The following ATP13A5 variants were observed in gnomAD, a reference collection of about 807,000 sequenced individuals.
ATP13A5 encodes the protein ATPase 13A5, also known as probable cation-transporting ATPase 13A5.
Under a neutral mutation model 150.2 loss-of-function variants are expected in ATP13A5, and 149 were observed. That is an observed-to-expected ratio of 0.99 (90% confidence interval 0.87 to 1.14). ATP13A5 has a LOEUF of 1.14. ATP13A5 is among the 50% of genes most tolerant of loss of function. The pLI is 0.00. For synonymous variants in ATP13A5, 497 were observed against 522.2 expected (o/e 0.95, Z 0.66); for missense variants, 1,383 against 1,449.3 (o/e 0.95, Z 0.74).
intron 25 of ATP13A5, among the ~76,000 whole-genome samples, chr3:193,297,643 A>G (rs558473317): frequency 1.6e-4 from 24 of 151,842 alleles, no homozygotes; most frequent in Non-Finnish European, 3.5e-4. Context: ...TTTTTCTCCT[A>G]GTGGTAATAA....
Position 193,299,143 on chromosome 3 carries a change from C to T in ATP13A5, c.2836G>A (p.Val946Ile). The T allele has an allele frequency of 6.2e-7, 1 of 1,606,652 alleles. No homozygotes were observed. The stretch of plus-strand genomic sequence containing the variant: ...CTAAAGAGCTTACTTGTTAAACAGA[C>T]CATCAAAGTAATGGCTACATCTTGC... Reference protein sequence around the residue: ...LMQDVAITLMVCLTMSSTHAY... With the variant: ...LMQDVAITLMICLTMSSTHAY... Residue 946 changes from valine to isoleucine, a missense_variant, in exon 25 of 30, where the codon GTC becomes ATC. Coordinates refer to ENST00000342358, the MANE Select transcript of ATP13A5 (RefSeq NM_198505.4).
chr3:193,297,891 T>C (rs1465885585), intron 25 of ATP13A5, among the ~76,000 whole-genome samples: 5 of 152,140 alleles, frequency 3.3e-5, no homozygotes, highest in Non-Finnish European at 5.9e-5. Flanking sequence ...AGATCATCCA[T>C]GTTTTTGGAT....
Position 193,299,203 on chromosome 3 carries a change from G to C in ATP13A5, c.2776C>G (p.Gln926Glu). The C allele has an allele frequency of 6.2e-7, 1 of 1,606,402 alleles. No individual in the cohort carries two copies. The highest frequency in any genetic ancestry group is 8.5e-7 in the Non-Finnish European group (1 of 1,176,568). ...TGGTAATTTCCAAAGAGTTGTAGTTGCTGAAAAAGAAACAAAAGCAAATAT... is the reference window on the plus strand; with the variant it reads ...TGGTAATTTCCAAAGAGTTGTAGTTCCTGAAAAAGAAACAAAAGCAAATAT... ...QFISALLLYW[Q>E]LQLFGNYQYL... The change falls in exon 25 of 30, where the codon CAA (glutamine) becomes GAA (glutamate). Residue 926 changes from glutamine (Q) to glutamate (E), a missense_variant and splice_region_variant. By Grantham distance (29) the Gln-to-Glu change is conservative (BLOSUM62 2). Around this residue, in one of 3 missense-constraint regions of ATP13A5, gnomAD observed 568 missense variants for 621.5 expected, o/e 0.91. Coordinates refer to ENST00000342358, the MANE Select transcript of ATP13A5 (RefSeq NM_198505.4).
At chr3:193,346,679 T>C (rs1712350906) in intron 7 of ATP13A5, among the ~76,000 whole-genome samples, 1 of 152,206 alleles carries the variant, frequency 6.6e-6, no homozygotes. Flanking sequence ...AGACAAGCAT[T>C]ACACATAATT....
At position 193,333,868 on chromosome 3, in the gene ATP13A5, A is replaced by G; in HGVS notation, c.1154T>C (p.Leu385Pro). The change falls in exon 11 of 30, where the codon CTG becomes CCG. Residue 385 changes from leucine (L) to proline (P), a missense_variant. Physicochemically the swap from Leu to Pro is moderately conservative, Grantham distance 98 (BLOSUM62 -3). Coordinates refer to ENST00000342358, the MANE Select transcript of ATP13A5 (RefSeq NM_198505.4). ...TTTGAAGTTCAGAGGCCGGGGGTAC[A>G]GGATGGATCTCACTAAGTCCCCTTT... ...TAKGDLVRSI[L>P]YPRPLNFKLY... is the part of the protein sequence containing the mutation. The G allele has an allele frequency of 6.2e-7, 1 of 1,613,960 alleles. No homozygotes were observed.
chr3:193,377,505 G>A (rs4687418), intron 1 of ATP13A5, among the ~76,000 whole-genome samples: 21,932 of 152,062 alleles, frequency 0.14, 1,767 homozygotes, highest in Non-Finnish European at 0.16. Flanking sequence ...AATCTGGTGC[G>A]TATTTTACAC....
At chr3:193,346,713 C>A (rs1238776495) in intron 7 of ATP13A5, among the ~76,000 whole-genome samples, 2 of 152,210 alleles carry the variant, frequency 1.3e-5, no homozygotes, top group East Asian at 3.9e-4. Context: ...CTTAAGAAAA[C>A]ATAATGAACC....
chr3:193,285,313 G>T (rs1395686774), intron 26 of ATP13A5, among the ~76,000 whole-genome samples, 197 bp from the exon 27 acceptor site: 1 of 152,168 alleles, frequency 6.6e-6, no homozygotes, highest in East Asian at 1.9e-4. Flanking sequence ...TCTTTGTCTG[G>T]CACTCCGTTT....
chr3:193,363,195 T>C (rs1713105245), intron 3 of ATP13A5, 41 bp downstream of exon 3: 1 of 1,562,180 alleles, frequency 6.4e-7, no homozygotes, highest in African/African-American at 1.4e-5. Flanking sequence ...TTATGCTTTC[T>C]CTGTAAACAT....
chr3:193,339,588 T>A (rs563956317), intron 9 of ATP13A5, among the ~76,000 whole-genome samples: 1 of 152,326 alleles, frequency 6.6e-6, no homozygotes, highest in Admixed American at 6.5e-5. Flanking sequence ...CTTGAATATT[T>A]TTCAAGAAAT....
intron 17 of ATP13A5, among the ~76,000 whole-genome samples, chr3:193,317,717 A>G (rs1719102006): frequency 6.6e-6 from 1 of 152,230 alleles, no homozygotes; most frequent in South Asian, 2.1e-4. Context: ...TAAGAAGTAT[A>G]ATAAGTTCCT....
chr3:193,329,768 A>G (rs1360626655), intron 12 of ATP13A5, among the ~76,000 whole-genome samples: 2 of 151,978 alleles, frequency 1.3e-5, no homozygotes, highest in Non-Finnish European at 2.9e-5. Context: ...CATTGGAGTC[A>G]CTCCCATTTG....
intron 18 of ATP13A5, 106 bp from the exon 19 acceptor site, chr3:193,314,299 A>C: frequency 1.6e-6 from 2 of 1,268,416 alleles, no homozygotes; most frequent in Non-Finnish European, 2.2e-6. Flanking sequence ...GAGAGCATTT[A>C]CCGCTTTCTG....
At chr3:193,368,619 A>C (rs1560153607) in intron 1 of ATP13A5, among the ~76,000 whole-genome samples, 2 of 152,202 alleles carry the variant, frequency 1.3e-5, no homozygotes, top group Admixed American at 6.5e-5. Flanking sequence ...GTCCAAAAAG[A>C]GACTCAAACA....
intron 9 of ATP13A5, among the ~76,000 whole-genome samples, chr3:193,336,987 GTGA>G (rs1208666427): frequency 6.6e-6 from 1 of 152,182 alleles, no homozygotes; most frequent in Non-Finnish European, 1.5e-5. Flanking sequence ...CTGATGGCCA[GTGA>G]TGATGAGCAT....
In ATP13A5 at chr3:193,305,608, G is replaced by A. The variant is rs762416120; in HGVS notation, c.2629C>T (p.Pro877Ser). Residue 877 changes from proline to serine, a missense_variant, in exon 23 of 30, where the codon CCT becomes TCT. Physicochemically the swap from Pro to Ser is moderately conservative, Grantham distance 74. Around this residue, in one of 3 missense-constraint regions of ATP13A5, gnomAD observed 568 missense variants for 621.5 expected, o/e 0.91. Coordinates refer to ENST00000342358, the MANE Select transcript of ATP13A5 (RefSeq NM_198505.4). Reference sequence around the variant, plus strand: ...ATGTTGGTTGTTTTAGAGGTAAAAGGGGATGCCACAGATGCTTCCTGCTCT... The same window carrying A: ...ATGTTGGTTGTTTTAGAGGTAAAAGAGGATGCCACAGATGCTTCCTGCTCT... ...LSEQEASVAS[P>S]FTSKTTNIQC... 1.9e-6 allele frequency: 3 copies of A among 1,613,860 alleles called. No individual in the cohort carries two copies. The highest frequency in any genetic ancestry group is 1.7e-5 in the Admixed American group (1 of 59,988).
At chr3:193,310,379 A>G (rs1560126170) in intron 21 of ATP13A5, among the ~76,000 whole-genome samples, 1 of 152,234 alleles carries the variant, frequency 6.6e-6, no homozygotes. Flanking sequence ...CTCTAGGTAT[A>G]TAGCCAGCAT....
At position 193,321,708 on chromosome 3, in the gene ATP13A5, C is replaced by T. The variant is rs1719285139; in HGVS notation, c.1888G>A (p.Val630Met). 6 of 1,614,012 alleles carry T rather than the reference C, an allele frequency of 3.7e-6. No individual in the cohort carries two copies. The highest frequency in any genetic ancestry group is 5.1e-6 in the Non-Finnish European group (6 of 1,180,012). The change falls in exon 16 of 30, where the codon GTG becomes ATG. Residue 630 changes from valine to methionine, a missense_variant. Around this residue, in one of 3 missense-constraint regions of ATP13A5, gnomAD observed 787 missense variants for 771.9 expected, o/e 1.02. Transcript: ENST00000342358. The stretch of plus-strand genomic sequence containing the variant: ...GTTTCAGATCTGCAGAACCTGGCCA[C>T]CATTTCTGGGGCACCTTTCATGTAG... ...HVYMKGAPEMVARFCRSETVP... is the reference protein window; with the variant it reads ...HVYMKGAPEMMARFCRSETVP...
chr3:193,327,286 A>T (rs535319347), intron 12 of ATP13A5, among the ~76,000 whole-genome samples: 37 of 152,322 alleles, frequency 2.4e-4, no homozygotes, highest in African/African-American at 7.7e-4. Flanking sequence ...TCAGTTACTA[A>T]TGATGAGGAA....
Sources: gnomAD v4.1 joint callset for allele counts (sites outside exome capture counted in the v4.1 genomes callset) on GRCh38, gnomAD v4.1.1 for gene constraint, gnomAD v4.1.1 regional missense constraint, MANE v1.5 for transcripts, NCBI Gene and HGNC (gene_info 2026-07-23, HGNC 2026-07-21) for gene names.